Variants in ARHGAP44 observed in about 807,000 individuals in gnomAD.
ARHGAP44 encodes rho GTPase-activating protein 44.
A neutral mutation model predicts 106.8 loss-of-function variants in ARHGAP44; 43 were observed. The observed-to-expected ratio is 0.40, with a 90% CI of 0.32 to 0.52. The LOEUF is 0.52. Among genes scored for constraint, ARHGAP44 ranks in the 20% least tolerant of loss-of-function variants. The pLI, the probability that ARHGAP44 is intolerant of heterozygous loss-of-function variation, is 0.48. For synonymous variants in ARHGAP44, 439 were observed against 410.3 expected (o/e 1.07, Z -0.85); for missense variants, 866 against 1,050.5 (o/e 0.82, Z 2.43).
In ARHGAP44 at chr17:12,991,118, T is replaced by G. The variant is rs905039870; in HGVS notation, c.*947T>G. 1 of 152,572 alleles carries G rather than the reference T, an allele frequency of 6.6e-6. No homozygotes were observed. The highest frequency in any genetic ancestry group is 2.1e-4 in the South Asian group (1 of 4,836). 9.5% of individuals were successfully genotyped at this position (152,572 alleles called of 1,614,324 possible). A position where few individuals can be genotyped will look rare whatever the true frequency, so the allele number is the denominator to read the frequency against. ...GCTGGCCCACGGGCTCGGCCTGCGG[T>G]GTGGCCTGCTTTGCTCACCAGCGTC... On this transcript the variant is annotated 3_prime_UTR_variant, in exon 21 of 21. Transcript: ENST00000379672.
At chr17:12,900,723 G>A (rs2037349948) in intron 3 of ARHGAP44, among the ~76,000 whole-genome samples, 1 of 152,112 alleles carries the variant, frequency 6.6e-6, no homozygotes, top group Non-Finnish European at 1.5e-5. Context: ...CATACTCACA[G>A]TGCATTCGCT....
rs538184705 is a variant in ARHGAP44 at position 12,876,316 on chromosome 17, G to A, written c.54-18624G>A. The stretch of plus-strand genomic sequence containing the variant: ...CGAAAACCACAGGAAAGGCTTTTGC[G>A]GGTACTCTTCCCTCACTCCCTCTGC... On this transcript the variant is annotated intron_variant, in intron 1 of 20. Coordinates refer to ENST00000379672, the MANE Select transcript of ARHGAP44 (RefSeq NM_014859.6). 6.6e-5 allele frequency among the ~76,000 whole-genome samples: 10 copies of A among 152,214 alleles called. No individual in the cohort carries two copies. The South Asian group carries it at 1.2e-3, about 19-fold the overall frequency.
chr17:12,810,654 G>A (rs1487978662), intron 1 of ARHGAP44, among the ~76,000 whole-genome samples: 3 of 152,168 alleles, frequency 2.0e-5, no homozygotes, highest in African/African-American at 7.2e-5. Flanking sequence ...GCTCAGTAGG[G>A]CTTTCCAGTT....
At chr17:12,865,817 A>G (rs1290773669) in intron 1 of ARHGAP44, among the ~76,000 whole-genome samples, 3 of 151,486 alleles carry the variant, frequency 2.0e-5, no homozygotes, top group Non-Finnish European at 4.4e-5. Context: ...GGAAATCAGT[A>G]GTGAGCAGTG....
chr17:12,984,393 G>A lies in ARHGAP44; in HGVS notation c.1940-138G>A, dbSNP rs2039905238. On this transcript the variant is annotated intron_variant, in intron 19 of 20. Coordinates refer to ENST00000379672, the MANE Select transcript of ARHGAP44 (RefSeq NM_014859.6). ...AATGTGGCAAGAGGCCGGGGGGCAGGGCAGGGAGGTGTGGGTGGGTGGCGA... is the reference window on the plus strand; with the variant it reads ...AATGTGGCAAGAGGCCGGGGGGCAGAGCAGGGAGGTGTGGGTGGGTGGCGA... 4 of 885,728 alleles carry A rather than the reference G, an allele frequency of 4.5e-6. No individual in the cohort carries two copies. The Admixed American group carries it at 1.5e-4, about 32-fold the overall frequency. 54.9% of individuals were successfully genotyped at this position (885,728 alleles called of 1,614,324 possible). A position where few individuals can be genotyped will look rare whatever the true frequency, so the allele number is the denominator to read the frequency against.
chr17:12,880,663 C>G (rs2036701524), intron 1 of ARHGAP44, among the ~76,000 whole-genome samples: 2 of 151,082 alleles, frequency 1.3e-5, no homozygotes, highest in Admixed American at 6.6e-5. Context: ...TGAATGCTGG[C>G]CCACTCACTA....
At chr17:12,950,537 C>T (rs1024491646) in intron 12 of ARHGAP44, among the ~76,000 whole-genome samples, 4 of 152,168 alleles carry the variant, frequency 2.6e-5, no homozygotes, top group East Asian at 1.9e-4. Context: ...CTTATTTCCT[C>T]GGTTATGCGT....
At chr17:12,908,821 T>C in intron 3 of ARHGAP44, 76 bp from the exon 4 acceptor site, 1 of 1,185,052 alleles carries the variant, frequency 8.4e-7, no homozygotes, top group Non-Finnish European at 1.2e-6. Flanking sequence ...TGGCAAGTAT[T>C]TGACTTTTTG....
chr17:12,896,300 G>T, intron 2 of ARHGAP44, 107 bp from the exon 3 acceptor site: 1 of 854,116 alleles, frequency 1.2e-6, no homozygotes, highest in Non-Finnish European at 1.8e-6. Context: ...GTCTCTCCAG[G>T]AGTCCTTGTC....
chr17:12,852,956 G>C (rs956679408), intron 1 of ARHGAP44, among the ~76,000 whole-genome samples: 1 of 152,192 alleles, frequency 6.6e-6, no homozygotes, highest in African/African-American at 2.4e-5. Context: ...CGAAGTGTGA[G>C]GAACGGTATT....
chr17:12,801,041 CTTTG>C (rs2034077144), intron 1 of ARHGAP44, among the ~76,000 whole-genome samples: 1 of 152,152 alleles, frequency 6.6e-6, no homozygotes, highest in Admixed American at 6.5e-5. Context: ...GATTCTTTCA[CTTTG>C]TTTTTTTTAT....
chr17:12,936,939 A>G (rs530160915), intron 7 of ARHGAP44, among the ~76,000 whole-genome samples: 8 of 152,100 alleles, frequency 5.3e-5, no homozygotes, highest in Admixed American at 3.3e-4. Flanking sequence ...TGTGTTTGTA[A>G]TTTTTTGCTG....
intron 1 of ARHGAP44, among the ~76,000 whole-genome samples, chr17:12,817,907 C>T (rs2034642983): frequency 1.3e-5 from 2 of 151,802 alleles, no homozygotes; most frequent in Non-Finnish European, 2.9e-5. Context: ...ACTCTGGGAC[C>T]AGGTATTTTC....
chr17:12,818,199 ACTG>A (rs1191008913), intron 1 of ARHGAP44, among the ~76,000 whole-genome samples: 1 of 151,972 alleles, frequency 6.6e-6, no homozygotes, highest in Non-Finnish European at 1.5e-5. Flanking sequence ...TTCACAAATC[ACTG>A]TAATTTCTCA....
intron 1 of ARHGAP44, among the ~76,000 whole-genome samples, chr17:12,846,838 T>A (rs1473151075): frequency 6.6e-6 from 1 of 152,260 alleles, no homozygotes; most frequent in African/African-American, 2.4e-5. Context: ...CAGTTGAATT[T>A]CATTTTGCGT....
At chr17:12,814,365 C>G (rs1004384827) in intron 1 of ARHGAP44, among the ~76,000 whole-genome samples, 1 of 151,512 alleles carries the variant, frequency 6.6e-6, no homozygotes, top group African/African-American at 2.4e-5. Context: ...CTCAGCCTCC[C>G]GAGTAGCTGG....
intron 4 of ARHGAP44, among the ~76,000 whole-genome samples, chr17:12,909,952 A>G (rs73296315): frequency 0.01 from 1,593 of 152,340 alleles, 26 homozygotes; most frequent in African/African-American, 0.037. Context: ...AAAAAAGATC[A>G]TTACTATAAA....
chr17:12,935,129 C>T (rs1011118753), intron 7 of ARHGAP44, among the ~76,000 whole-genome samples: 1 of 152,016 alleles, frequency 6.6e-6, no homozygotes, highest in Non-Finnish European at 1.5e-5. Context: ...GAGATGCTTA[C>T]CATTTTAAGG....
chr17:12,923,219 C>T (rs561889618), intron 6 of ARHGAP44, among the ~76,000 whole-genome samples: 2 of 151,348 alleles, frequency 1.3e-5, no homozygotes, highest in East Asian at 2.0e-4. Flanking sequence ...TTTGTTTTTT[C>T]GTTTTTTTGA....
Sources: allele counts gnomAD v4.1 joint callset (sites outside exome capture counted in the v4.1 genomes callset), GRCh38; gene constraint gnomAD v4.1.1; transcripts MANE v1.5; gene names NCBI Gene and HGNC (gene_info 2026-07-23, HGNC 2026-07-21).